RGCC: variants seen among roughly 807,000 people sequenced by gnomAD.
RGCC encodes the protein regulator of cell cycle, also known as regulator of cell cycle RGCC.
In RGCC, 15 loss-of-function variants were observed where a neutral mutation model predicts 15.4. The observed-to-expected ratio is 0.97, with a 90% CI of 0.65 to 1.50. The LOEUF is 1.50. Ranked by LOEUF, RGCC falls within the 40% of genes most tolerant of loss-of-function variation. The pLI, the probability that RGCC is intolerant of heterozygous loss-of-function variation, is 0.00. For synonymous variants in RGCC, 81 were observed against 78.0 expected (o/e 1.04, Z -0.20); for missense variants, 176 against 189.7 (o/e 0.93, Z 0.42).
At chr13:41,460,204 A>C (rs1182266215) in intron 2 of RGCC, among the ~76,000 whole-genome samples, 1 of 152,196 alleles carries the variant, frequency 6.6e-6, no homozygotes, top group Non-Finnish European at 1.5e-5. Context: ...TCTTTGCTTT[A>C]AATGTGTAGT....
chr13:41,468,980 G>T (rs1457587694), intron 4 of RGCC, 142 bp downstream of exon 4: 2 of 630,694 alleles, frequency 3.2e-6, no homozygotes, highest in Non-Finnish European at 5.4e-6. Context: ...AGGACCCTAG[G>T]CCGGGGCAGT....
intron 2 of RGCC, among the ~76,000 whole-genome samples, chr13:41,462,529 G>A (rs768782782): frequency 3.9e-5 from 6 of 152,082 alleles, no homozygotes; most frequent in Non-Finnish European, 7.4e-5. Context: ...GATTGAAGCC[G>A]ATATTGTAAG....
At chr13:41,464,873 G>A (rs1298310185) in intron 2 of RGCC, among the ~76,000 whole-genome samples, 2 of 152,158 alleles carry the variant, frequency 1.3e-5, no homozygotes, top group East Asian at 1.9e-4. Flanking sequence ...GCTCTCAAGG[G>A]TCTTCTGGGC....
chr13:41,467,802 C>T (rs7992886), intron 3 of RGCC, among the ~76,000 whole-genome samples: 1,565 of 152,174 alleles, frequency 0.01, 26 homozygotes, highest in African/African-American at 0.035. Context: ...TGTAATGAAT[C>T]AGTTGAATTC....
chr13:41,457,739 C>T lies in RGCC; in HGVS notation c.32C>T (p.Ala11Val), dbSNP rs1317465455. Residue 11 changes from alanine to valine, a missense_variant, in exon 1 of 5, where the codon GCG becomes GTG. By Grantham distance (64) the Ala-to-Val change is moderately conservative. Transcript: ENST00000379359. This position sits in a 1 kb window ranked among gnomAD's most constrained non-coding sequence, Gnocchi z 4.9. MKPPAAQGSP[A>V]AAAAAAPALD... ...CCGCCCGCGGCGCAGGGCAGCCCCG[C>T]GGCCGCCGCGGCCGCAGGTGAGTGC... 2 of 1,400,330 alleles carry T rather than the reference C, an allele frequency of 1.4e-6. No individual in the cohort carries two copies. Among genetic ancestry groups the T allele is most frequent in the Admixed American group, 3.8e-5 (1 of 26,272 alleles). 86.7% of individuals were successfully genotyped at this position (1,400,330 alleles called of 1,614,324 possible).
At chr13:41,459,310 ATT>A (rs1027540932) in intron 2 of RGCC, among the ~76,000 whole-genome samples, 3 of 152,166 alleles carry the variant, frequency 2.0e-5, no homozygotes, top group African/African-American at 7.2e-5. Flanking sequence ...AGAATTGCTT[ATT>A]GTTTTTCAAA....
intron 2 of RGCC, among the ~76,000 whole-genome samples, chr13:41,462,540 G>T (rs1294029962): frequency 6.6e-6 from 1 of 152,068 alleles, no homozygotes; most frequent in Non-Finnish European, 1.5e-5. Flanking sequence ...ATATTGTAAG[G>T]CCCTCAAATA....
rs1593580654 is a variant in RGCC, at chr13:41,470,640, C to T, written c.*155C>T. 2.9e-5 allele frequency: 21 copies of T among 726,532 alleles called. No homozygotes were observed. The East Asian group carries it at 5.5e-4, about 19-fold the overall frequency. 45.0% of individuals were successfully genotyped at this position (726,532 alleles called of 1,614,324 possible). A position where few individuals can be genotyped will look rare whatever the true frequency, so the allele number is the denominator to read the frequency against. On this transcript the variant is annotated 3_prime_UTR_variant, in exon 5 of 5. Transcript: ENST00000379359. ...CTCTCAGGCTCACCTTAAAATCAGC[C>T]CTTGATCCCATTTCTGGGCAATTTA... is the stretch of plus-strand genomic sequence containing the variant.
intron 2 of RGCC, among the ~76,000 whole-genome samples, chr13:41,466,161 ACACTCT>A (rs2139577030): frequency 7.5e-6 from 1 of 132,510 alleles, no homozygotes; most frequent in African/African-American, 2.8e-5. Flanking sequence ...ACACACGCAC[ACACTCT>A]CACACACTTT....
In RGCC at chr13:41,457,935, A is replaced by G. The variant is rs2043800743; in HGVS notation, c.49+179A>G. Among the ~76,000 whole-genome samples, 1 of 150,216 alleles carries G rather than the reference A, an allele frequency of 6.7e-6. No homozygotes were observed. Among genetic ancestry groups the G allele is most frequent in the African/African-American group, 2.5e-5 (1 of 40,744 alleles). On this transcript the variant is annotated intron_variant, in intron 1 of 4. Coordinates refer to ENST00000379359, the MANE Select transcript of RGCC (RefSeq NM_014059.3). This position sits in a 1 kb window ranked among gnomAD's most constrained non-coding sequence, Gnocchi z 4.9. ...TCCTTTCCGGCCCGGGCTGGCCCCC[A>G]TGTCCCACCTTCCCTCCACCACCAG...
At chr13:41,462,726 T>C (rs2043827965) in intron 2 of RGCC, among the ~76,000 whole-genome samples, 1 of 152,206 alleles carries the variant, frequency 6.6e-6, no homozygotes, top group East Asian at 1.9e-4. Context: ...TTGCAAGGAA[T>C]AGAGTTCCAG....
intron 2 of RGCC, among the ~76,000 whole-genome samples, chr13:41,466,304 T>C (rs1268458127): frequency 1.3e-5 from 2 of 149,762 alleles, no homozygotes; most frequent in South Asian, 2.1e-4. Context: ...CACACACACT[T>C]TCTCTCTCAC....
At chr13:41,467,037 A>C (rs994370572) in intron 3 of RGCC, 107 bp downstream of exon 3, 6 of 745,316 alleles carry the variant, frequency 8.1e-6, no homozygotes, top group Non-Finnish European at 1.4e-5. Flanking sequence ...CAAATGTACA[A>C]AACAAATAGG....
rs768265701 is a variant in RGCC at position 41,458,497 on chromosome 13, G to A, written c.235+27G>A. 2 of 1,575,978 alleles carry A rather than the reference G, an allele frequency of 1.3e-6. No individual in the cohort carries two copies. Among genetic ancestry groups the A allele is most frequent in the Non-Finnish European group, 8.6e-7 (1 of 1,166,908 alleles). On this transcript the variant is annotated intron_variant, in intron 2 of 4. Coordinates refer to ENST00000379359, the MANE Select transcript of RGCC (RefSeq NM_014059.3). The surrounding 1 kb of genome is among the most constrained non-coding windows in gnomAD (Gnocchi z 4.4). The stretch of plus-strand genomic sequence containing the variant: ...TAAGTGCGGCCCCCGCTAGGATGGC[G>A]CCGGGATCTCCCAGCTCCCAGGACC...
At position 41,458,477 on chromosome 13, in the gene RGCC, GCGGCCCC is replaced by G. The variant is rs771367430; in HGVS notation, c.235+10_235+16del. On this transcript the variant is annotated splice_region_variant and intron_variant, in intron 2 of 4. Coordinates refer to ENST00000379359, the MANE Select transcript of RGCC (RefSeq NM_014059.3). This position sits in a 1 kb window ranked among gnomAD's most constrained non-coding sequence, Gnocchi z 4.4. Reference sequence around the variant, plus strand: ...GGCTTCAGCGACTCGGAGAGTAAGTGCGGCCCCCGCTAGGATGGCGCCGGGATCTCCC... The same window carrying G: ...GGCTTCAGCGACTCGGAGAGTAAGTGCGCTAGGATGGCGCCGGGATCTCCC... The G allele has an allele frequency of 2.3e-5, 36 of 1,591,528 alleles. No homozygotes were observed. In the East Asian group the frequency reaches 8.2e-4, roughly 36 times the overall value.
At chr13:41,465,513 G>A (rs959642351) in intron 2 of RGCC, among the ~76,000 whole-genome samples, 4 of 150,804 alleles carry the variant, frequency 2.7e-5, no homozygotes, top group East Asian at 3.9e-4. Flanking sequence ...TATTTAGTCC[G>A]CCTTCCCATT....
intron 2 of RGCC, among the ~76,000 whole-genome samples, chr13:41,461,147 A>G (rs2043819066): frequency 6.6e-6 from 1 of 152,222 alleles, no homozygotes. Flanking sequence ...TAACAATTGC[A>G]GTATAACTTC....
chr13:41,459,264 C>A (rs2043809291), intron 2 of RGCC, among the ~76,000 whole-genome samples: 1 of 152,132 alleles, frequency 6.6e-6, no homozygotes, highest in Non-Finnish European at 1.5e-5. Context: ...AAATTAGGTG[C>A]CTTTTTAATA....
At chr13:41,466,167 TCACA>T (rs1379558140) in intron 2 of RGCC, among the ~76,000 whole-genome samples, 1 of 124,518 alleles carries the variant, frequency 8.0e-6, no homozygotes, top group Non-Finnish European at 1.8e-5. Context: ...GCACACACTC[TCACA>T]CACTTTCTCA....
Sources: allele counts gnomAD v4.1 joint callset (sites outside exome capture counted in the v4.1 genomes callset), GRCh38; gene constraint gnomAD v4.1.1; non-coding constraint Gnocchi (gnomAD v3.1); transcripts MANE v1.5; gene names NCBI Gene and HGNC (gene_info 2026-07-23, HGNC 2026-07-21).